The following UBE2H variants were observed in gnomAD, a reference collection of about 807,000 sequenced individuals.
The protein encoded by UBE2H is ubiquitin conjugating enzyme E2 H.
A neutral mutation model predicts 29.0 loss-of-function variants in UBE2H; 3 were observed. That is an observed-to-expected ratio of 0.10 (90% CI 0.05 to 0.27). The LOEUF (loss-of-function observed/expected upper bound fraction) is 0.27. Among genes scored for constraint, UBE2H ranks in the 10% least tolerant of loss-of-function variants. The pLI, the probability that UBE2H is intolerant of heterozygous loss-of-function variation, is 1.00. For missense variants in UBE2H, 68 were observed against 228.2 expected (o/e 0.30, Z 4.52); for synonymous variants, 69 against 82.9 (o/e 0.83, Z 0.91).
At chr7:129,852,974 C>T (rs1186656677) in intron 5 of UBE2H, among the ~76,000 whole-genome samples, 2 of 152,216 alleles carry the variant, frequency 1.3e-5, no homozygotes, top group Non-Finnish European at 2.9e-5. Context: ...GATCCGCCTG[C>T]CTTGTCCTCC....
chr7:129,934,721 T>A (rs947866691), intron 1 of UBE2H, among the ~76,000 whole-genome samples: 1 of 149,580 alleles, frequency 6.7e-6, no homozygotes, highest in Non-Finnish European at 1.5e-5. Flanking sequence ...AAAGGAGTAA[T>A]TTCAACTGCT....
At chr7:129,884,416 CAAA>C (rs769298737) in intron 1 of UBE2H, among the ~76,000 whole-genome samples, 3 of 82,426 alleles carry the variant, frequency 3.6e-5, no homozygotes, top group African/African-American at 5.7e-5. Context: ...GACTCCATCT[CAAA>C]AAAAAAAAAA....
At chr7:129,883,710 C>T (rs550775934) in intron 1 of UBE2H, among the ~76,000 whole-genome samples, 8 of 152,236 alleles carry the variant, frequency 5.3e-5, no homozygotes, top group Middle Eastern at 3.4e-3. Context: ...GGCGTGGTGG[C>T]GGGTGCCTGT....
intron 1 of UBE2H, among the ~76,000 whole-genome samples, chr7:129,896,437 T>C (rs1226949759): frequency 6.6e-6 from 1 of 152,164 alleles, no homozygotes; most frequent in African/African-American, 2.4e-5. Context: ...TCTCACTCTG[T>C]TGCCCAGGCT....
At chr7:129,939,296 TC>T (rs1807594864) in intron 1 of UBE2H, among the ~76,000 whole-genome samples, 1 of 152,180 alleles carries the variant, frequency 6.6e-6, no homozygotes, top group Admixed American at 6.6e-5. Context: ...GCTTCAGCCT[TC>T]CCAGTAGCTG....
rs141089366 is a variant in UBE2H at position 129,925,044 on chromosome 7, G to A, written c.53+27459C>T. Reference sequence around the variant, plus strand: ...CCAGTCCCCCAGCAAAGCAGAACCCGAAAGACATAAGATATTCACAAATGG... The same window carrying A: ...CCAGTCCCCCAGCAAAGCAGAACCCAAAAGACATAAGATATTCACAAATGG... On this transcript the variant is annotated intron_variant, in intron 1 of 6. Transcript: ENST00000355621. Among the ~76,000 whole-genome samples, 172 of 152,094 alleles carry A rather than the reference G, an allele frequency of 1.1e-3. 4 individuals are homozygous for A. In the East Asian group the frequency reaches 0.021, roughly 19 times the overall value.
At chr7:129,932,276 A>AC (rs1807422578) in intron 1 of UBE2H, among the ~76,000 whole-genome samples, 1 of 148,984 alleles carries the variant, frequency 6.7e-6, no homozygotes, top group Admixed American at 6.7e-5. Context: ...GGCGCCCGCC[A>AC]CCACGCCCGG....
At chr7:129,891,044 G>C in intron 1 of UBE2H, among the ~76,000 whole-genome samples, 1 of 151,760 alleles carries the variant, frequency 6.6e-6, no homozygotes, top group Non-Finnish European at 1.5e-5. Flanking sequence ...GCTGAGGCAG[G>C]AGAATGGCTT....
chr7:129,858,362 C>T (rs1805742979), intron 4 of UBE2H, among the ~76,000 whole-genome samples: 2 of 151,968 alleles, frequency 1.3e-5, no homozygotes, highest in African/African-American at 2.4e-5. Context: ...AAACTTAGTG[C>T]CATGACAAAT....
chr7:129,952,493 C>G lies in UBE2H; in HGVS notation c.53+10G>C. ...CACACACAGCCCGAATTCCCCTCCA[C>G]GAAGGATACAGCTTGACCACGTCCG... On this transcript the variant is annotated intron_variant, in intron 1 of 6. Coordinates refer to ENST00000355621, the MANE Select transcript of UBE2H (RefSeq NM_003344.4). The G allele has an allele frequency of 1.2e-6, 2 of 1,611,986 alleles. No homozygotes were observed. Among genetic ancestry groups the G allele is most frequent in the Non-Finnish European group, 1.7e-6 (2 of 1,178,722 alleles).
chr7:129,832,068 G>GA lies in UBE2H; in HGVS notation c.*2868dup, dbSNP rs1805238438. The GA allele has an allele frequency of 1.3e-5, 2 of 152,200 alleles. No individual in the cohort carries two copies. Among genetic ancestry groups the GA allele is most frequent in the South Asian group, 4.1e-4 (2 of 4,828 alleles). 9.4% of individuals were successfully genotyped at this position (152,200 alleles called of 1,614,324 possible). A position where few individuals can be genotyped will look rare whatever the true frequency, so the allele number is the denominator to read the frequency against. Reference sequence around the variant, plus strand: ...TCCTGAGTGTTGGAAGGGCAGCCTGGAAAGGCATTTGGTGGTGAAACACCG... The same window carrying GA: ...TCCTGAGTGTTGGAAGGGCAGCCTGGAAAAGGCATTTGGTGGTGAAACACCG... On this transcript the variant is annotated 3_prime_UTR_variant, in exon 7 of 7. Coordinates refer to ENST00000355621, the MANE Select transcript of UBE2H (RefSeq NM_003344.4).
chr7:129,889,658 C>T (rs1806433790), intron 1 of UBE2H, among the ~76,000 whole-genome samples: 1 of 152,124 alleles, frequency 6.6e-6, no homozygotes, highest in Admixed American at 6.6e-5. Context: ...ATTTTGTTCA[C>T]AGAAGAGTAC....
intron 1 of UBE2H, among the ~76,000 whole-genome samples, chr7:129,945,723 G>A (rs995636905): frequency 6.6e-6 from 1 of 152,116 alleles, no homozygotes; most frequent in Non-Finnish European, 1.5e-5. Flanking sequence ...ACAGCCATGG[G>A]ATGGCATATT....
intron 1 of UBE2H, among the ~76,000 whole-genome samples, chr7:129,933,607 A>G (rs1255267907): frequency 3.3e-5 from 5 of 152,234 alleles, no homozygotes; most frequent in Admixed American, 3.3e-4. Flanking sequence ...CATGTGGGAA[A>G]ATGAACACTA....
chr7:129,848,716 C>T (rs988897299), intron 5 of UBE2H, among the ~76,000 whole-genome samples: 2 of 152,116 alleles, frequency 1.3e-5, no homozygotes, highest in African/African-American at 2.4e-5. Flanking sequence ...TGAACTGCCA[C>T]GCAAGTCATG....
At chr7:129,857,351 G>A (rs1805725276) in intron 5 of UBE2H, 160 bp downstream of exon 5, 2 of 671,026 alleles carry the variant, frequency 3.0e-6, no homozygotes, top group Admixed American at 3.2e-5. Context: ...TTGTACTTAA[G>A]AGAAAACATT....
chr7:129,863,808 G>GTT (rs34701981), intron 3 of UBE2H, among the ~76,000 whole-genome samples: 28 of 136,038 alleles, frequency 2.1e-4, no homozygotes, highest in South Asian at 1.2e-3. Context: ...AATACTAGGT[G>GTT]TTTTTTTTTT....
intron 3 of UBE2H, among the ~76,000 whole-genome samples, chr7:129,875,684 ATTTT>A (rs911686362): frequency 7.3e-5 from 11 of 151,328 alleles, no homozygotes; most frequent in Admixed American, 5.3e-4. Context: ...TCCTCTGCTT[ATTTT>A]TTTTTATTAA....
chr7:129,836,113 G>A (rs1208777556), intron 6 of UBE2H, among the ~76,000 whole-genome samples: 1 of 152,146 alleles, frequency 6.6e-6, no homozygotes, highest in Non-Finnish European at 1.5e-5. Context: ...AAAATTTTAT[G>A]CTAATGATTT....
Sources: allele counts gnomAD v4.1 joint callset (sites outside exome capture counted in the v4.1 genomes callset), GRCh38; gene constraint gnomAD v4.1.1; transcripts MANE v1.5; gene names NCBI Gene and HGNC (gene_info 2026-07-23, HGNC 2026-07-21).